Variants in SLC8A3 observed in about 807,000 individuals in gnomAD.
The protein encoded by SLC8A3 is sodium/calcium exchanger 3.
Under a neutral mutation model 65.4 loss-of-function variants are expected in SLC8A3, and 37 were observed. The observed-to-expected ratio is 0.57, with a 90% CI of 0.44 to 0.74. The LOEUF is 0.74. Among genes scored for constraint, SLC8A3 ranks in the 30% least tolerant of loss-of-function variants. SLC8A3 has a pLI of 0.00. For synonymous variants in SLC8A3, 461 were observed against 444.5 expected (o/e 1.04, Z -0.47); for missense variants, 1,112 against 1,172.1 (o/e 0.95, Z 0.75).
intron 3 of SLC8A3, among the ~76,000 whole-genome samples, chr14:70,057,013 T>C (rs958397947): frequency 1.1e-4 from 16 of 152,148 alleles, no homozygotes; most frequent in African/African-American, 3.9e-4. Context: ...AGTTGGTGAC[T>C]GATAGAGATT....
intron 2 of SLC8A3, among the ~76,000 whole-genome samples, chr14:70,105,175 A>C (rs1226928865): frequency 6.6e-6 from 1 of 151,980 alleles, no homozygotes. Context: ...TAAAAATACA[A>C]AAAATTAGCC....
Position 70,167,163 on chromosome 14 carries a change from C to A in SLC8A3, c.1260G>T (p.Arg420Ser). The A allele has an allele frequency of 1.2e-6, 2 of 1,614,190 alleles. No homozygotes were observed. Among genetic ancestry groups the A allele is most frequent in the African/African-American group, 2.7e-5 (2 of 75,040 alleles). The change falls in exon 2 of 7, where the codon AGG becomes AGT. Residue 420 changes from arginine (R) to serine (S), a missense_variant. Physicochemically the swap from Arg to Ser is moderately radical, Grantham distance 110. Coordinates refer to ENST00000356921, the MANE Select transcript of SLC8A3 (RefSeq NM_182932.3). The part of the protein sequence containing the change: ...NCGAVLLTVV[R>S]KGGDMSKTMY... ...TGGTCTTTGACATGTCTCCCCCTTT[C>A]CTCACCACTGTCAGGAGTACAGCCC...
chr14:70,057,679 C>T lies in SLC8A3; in HGVS notation c.1888+3157G>A, dbSNP rs948544409. Among the ~76,000 whole-genome samples the T allele has an allele frequency of 3.3e-5, 5 of 152,198 alleles. No homozygotes were observed. In the South Asian group the frequency reaches 1.0e-3, roughly 32 times the overall value. On this transcript the variant is annotated intron_variant, in intron 3 of 6. Transcript: ENST00000356921. Reference sequence around the variant, plus strand: ...GACACAATACCTCGAGGGTGTTTTTCCTGCTGCTGCTCATGAGAGAAGCTG... The same window carrying T: ...GACACAATACCTCGAGGGTGTTTTTTCTGCTGCTGCTCATGAGAGAAGCTG...
In SLC8A3 at chr14:70,044,804, G is replaced by A. The variant is rs1443320611; in HGVS notation, c.*1143C>T. 2.0e-5 allele frequency: 3 copies of A among 152,156 alleles called. No homozygotes were observed. The highest frequency in any genetic ancestry group is 4.4e-5 in the Non-Finnish European group (3 of 68,036). The allele number at this position is 152,156 out of a possible 1,614,324, so 9.4% of individuals were successfully genotyped here. A position where few individuals can be genotyped will look rare whatever the true frequency, so the allele number is the denominator to read the frequency against. ...TACACCACTTCAAGAAATATAGTCA[G>A]CCCTCTTTGTATAGAGCATTAGGAA... On this transcript the variant is annotated 3_prime_UTR_variant, in exon 7 of 7. Coordinates refer to ENST00000356921, the MANE Select transcript of SLC8A3 (RefSeq NM_182932.3).
chr14:70,080,276 G>A (rs943743436), intron 2 of SLC8A3: 34 of 983,030 alleles, frequency 3.5e-5, no homozygotes, highest in Non-Finnish European at 3.7e-5. Flanking sequence ...ATGGTGGGGA[G>A]GGGAGGGGAA....
intron 2 of SLC8A3, among the ~76,000 whole-genome samples, chr14:70,135,579 C>T (rs971744933): frequency 6.6e-6 from 1 of 152,102 alleles, no homozygotes; most frequent in African/African-American, 2.4e-5. Flanking sequence ...AAATAAGATC[C>T]TGTCATTTGC....
At chr14:70,175,148 C>T (rs569718675) in intron 1 of SLC8A3, among the ~76,000 whole-genome samples, 200 of 152,312 alleles carry the variant, frequency 1.3e-3, no homozygotes, top group African/African-American at 4.8e-3. Context: ...AGGGCATCAG[C>T]AGGCCTCCGT....
At chr14:70,146,891 G>A (rs957309348) in intron 2 of SLC8A3, among the ~76,000 whole-genome samples, 2 of 152,196 alleles carry the variant, frequency 1.3e-5, no homozygotes, top group African/African-American at 4.8e-5. Context: ...GAGTTATAAT[G>A]CTGTTGCCTA....
Position 70,048,370 on chromosome 14 carries a change from T to C in SLC8A3, c.2389+397A>G, listed in dbSNP as rs1018768641. 1.2e-5 allele frequency: 6 copies of C among 493,676 alleles called. No individual in the cohort carries two copies. In the Admixed American group the frequency reaches 2.2e-4, roughly 18 times the overall value. 30.6% of individuals were successfully genotyped at this position (493,676 alleles called of 1,614,324 possible). A position where few individuals can be genotyped will look rare whatever the true frequency, so the allele number is the denominator to read the frequency against. ...AATATCTACATTCTTTTAATTTCAC[T>C]GTTTGTGGTCTACTCACATAATGTG... On this transcript the variant is annotated intron_variant, in intron 6 of 6. Transcript: ENST00000356921.
intron 2 of SLC8A3, among the ~76,000 whole-genome samples, chr14:70,119,551 G>A (rs1893901681): frequency 6.6e-6 from 1 of 151,844 alleles, no homozygotes; most frequent in Non-Finnish European, 1.5e-5. Flanking sequence ...GATCCAGAGG[G>A]AGGAAAGTAA....
rs184323592 is a variant in SLC8A3 at position 70,067,289 on chromosome 14, G to A, written c.1785-6350C>T. Among the ~76,000 whole-genome samples, 113 of 152,266 alleles carry A rather than the reference G, an allele frequency of 7.4e-4. 1 individual carries two copies. Among genetic ancestry groups the A allele is most frequent in the Admixed American group, 6.8e-3 (104 of 15,288 alleles). On this transcript the variant is annotated intron_variant, in intron 2 of 6. Transcript: ENST00000356921. ...TGGCTACCTTATCTAGAGGACTCCTGGCTCCACCACTTTCAGTCACTCAAC... is the reference window on the plus strand; with the variant it reads ...TGGCTACCTTATCTAGAGGACTCCTAGCTCCACCACTTTCAGTCACTCAAC...
chr14:70,131,949 G>A (rs903901552), intron 2 of SLC8A3, among the ~76,000 whole-genome samples: 8 of 152,202 alleles, frequency 5.3e-5, no homozygotes. Flanking sequence ...GACATCTCCA[G>A]GAAATAAGTG....
At chr14:70,162,111 C>A (rs957792675) in intron 2 of SLC8A3, among the ~76,000 whole-genome samples, 2 of 152,186 alleles carry the variant, frequency 1.3e-5, no homozygotes, top group African/African-American at 4.8e-5. Flanking sequence ...TATTATTATT[C>A]TTAGTTAAGA....
intron 6 of SLC8A3, chr14:70,047,079 C>A (rs1886871869): frequency 1.3e-5 from 2 of 152,116 alleles, no homozygotes; most frequent in Non-Finnish European, 2.9e-5. Flanking sequence ...ATGTAAGGAC[C>A]CTTTCCATAC....
At chr14:70,081,800 C>T (rs560670134) in intron 2 of SLC8A3, among the ~76,000 whole-genome samples, 1 of 152,220 alleles carries the variant, frequency 6.6e-6, no homozygotes, top group Admixed American at 6.5e-5. Context: ...TTGGGAAAAT[C>T]TGCAGGGAAA....
chr14:70,144,328 T>A (rs1895771083), intron 2 of SLC8A3, among the ~76,000 whole-genome samples: 1 of 132,540 alleles, frequency 7.5e-6, no homozygotes. Flanking sequence ...TTTTTTTTTT[T>A]TTTAAAAAAA....
Position 70,112,505 on chromosome 14 carries a change from C to T in SLC8A3, c.1785-51566G>A, listed in dbSNP as rs117375210. Among the ~76,000 whole-genome samples the T allele has an allele frequency of 8.4e-3, 1,274 of 152,258 alleles. 11 individuals are homozygous for T. Among genetic ancestry groups the T allele is most frequent in the Non-Finnish European group, 0.015 (1,025 of 68,026 alleles). On this transcript the variant is annotated intron_variant, in intron 2 of 6. Transcript: ENST00000356921. ...AGACAATTCACAGGTTTCACAGCTTCCTGTCATCTCAAAGCCTGGATGCGG... is the reference window on the plus strand; with the variant it reads ...AGACAATTCACAGGTTTCACAGCTTTCTGTCATCTCAAAGCCTGGATGCGG...
chr14:70,108,295 G>A (rs1217441986), intron 2 of SLC8A3, among the ~76,000 whole-genome samples: 1 of 151,894 alleles, frequency 6.6e-6, no homozygotes, highest in Non-Finnish European at 1.5e-5. Context: ...AGCTACTTGG[G>A]AGGCTGAGGC....
chr14:70,057,950 G>T (rs1333338962), intron 3 of SLC8A3, among the ~76,000 whole-genome samples: 1 of 152,152 alleles, frequency 6.6e-6, no homozygotes, highest in Non-Finnish European at 1.5e-5. Context: ...TCCAGGCCCA[G>T]GCCCAACAGT....
Sources: allele counts gnomAD v4.1 joint callset (sites outside exome capture counted in the v4.1 genomes callset), GRCh38; gene constraint gnomAD v4.1.1; transcripts MANE v1.5; gene names NCBI Gene and HGNC (gene_info 2026-07-23, HGNC 2026-07-21).